Variants in DCHS2 observed in about 807,000 individuals in gnomAD.
The protein encoded by DCHS2 is protocadherin-23.
Under a neutral mutation model 182.4 loss-of-function variants are expected in DCHS2, and 142 were observed. The ratio of observed to expected loss-of-function variants is 0.78; its 90% confidence interval spans 0.68 to 0.89. The LOEUF is 0.89. Among genes scored for constraint, DCHS2 ranks in the 40% least tolerant of loss-of-function variants. The pLI, the probability that DCHS2 is intolerant of heterozygous loss-of-function variation, is 0.00. For missense variants in DCHS2, 4,319 were observed against 4,198.6 expected (o/e 1.03, Z -0.79); for synonymous variants, 1,740 against 1,663.3 (o/e 1.05, Z -1.12).
intron 1 of DCHS2, among the ~76,000 whole-genome samples, chr4:154,484,018 A>G (rs956680045): frequency 6.6e-6 from 1 of 152,176 alleles, no homozygotes; most frequent in Non-Finnish European, 1.5e-5. Context: ...GTTAATTCAC[A>G]CTGAAATCAA....
At chr4:154,479,505 C>T (rs1735829007) in intron 1 of DCHS2, among the ~76,000 whole-genome samples, 1 of 152,110 alleles carries the variant, frequency 6.6e-6, no homozygotes, top group African/African-American at 2.4e-5. Context: ...AATGTGGTAA[C>T]TGTACTTCAG....
intron 1 of DCHS2, among the ~76,000 whole-genome samples, chr4:154,392,437 T>A (rs1731749780): frequency 6.6e-6 from 1 of 152,030 alleles, no homozygotes; most frequent in Admixed American, 6.6e-5. Flanking sequence ...AAAAAATATA[T>A]AATGAAAAAG....
intron 12 of DCHS2, among the ~76,000 whole-genome samples, chr4:154,301,775 T>C (rs1360357641): frequency 6.6e-6 from 1 of 152,182 alleles, no homozygotes; most frequent in Non-Finnish European, 1.5e-5. Context: ...AGTGGTGGGA[T>C]TACAGGCGTG....
intron 3 of DCHS2, chr4:154,357,407 T>G (rs1379514486): frequency 1.2e-6 from 1 of 864,460 alleles, no homozygotes; most frequent in Non-Finnish European, 1.9e-6. Flanking sequence ...CTGCCTTTCT[T>G]CATAGTCCAG....
intron 8 of DCHS2, 131 bp from the exon 9 acceptor site, chr4:154,321,353 G>T (rs62331874): frequency 0.3 from 303,703 of 1,008,828 alleles, 48,144 homozygotes; most frequent in East Asian, 0.39. Flanking sequence ...TGAGAAAAAT[G>T]TCATTTTTAT....
Position 154,384,273 on chromosome 4 carries a change from G to A in DCHS2, c.2053-6829C>T, listed in dbSNP as rs965065268. On this transcript the variant is annotated intron_variant, in intron 1 of 19. Coordinates refer to ENST00000357232, the MANE Select transcript of DCHS2 (RefSeq NM_001358235.2). ...TTATTTTCTGAATTATTTGGCAGCC[G>A]TTCACACAGCTAGTCATTGCCTCCT... is the stretch of plus-strand genomic sequence containing the variant. 67 of 1,513,420 alleles carry A rather than the reference G, an allele frequency of 4.4e-5. 1 individual carries two copies. Among genetic ancestry groups the A allele is most frequent in the Non-Finnish European group, 5.5e-5 (62 of 1,132,614 alleles). 93.7% of individuals were successfully genotyped at this position (1,513,420 alleles called of 1,614,324 possible). A position where few individuals can be genotyped will look rare whatever the true frequency, so the allele number is the denominator to read the frequency against.
At chr4:154,316,752 C>G (rs12640050) in intron 9 of DCHS2, among the ~76,000 whole-genome samples, 1 of 152,004 alleles carries the variant, frequency 6.6e-6, no homozygotes. Flanking sequence ...CCACTGCACT[C>G]TAGCCTGGGC....
intron 1 of DCHS2, among the ~76,000 whole-genome samples, chr4:154,480,290 C>A (rs1735871341): frequency 6.6e-6 from 1 of 152,156 alleles, no homozygotes; most frequent in African/African-American, 2.4e-5. Context: ...TGAAATCATA[C>A]CCATAACAAT....
chr4:154,384,136 A>C (rs1474681942), intron 1 of DCHS2, among the ~76,000 whole-genome samples: 1 of 152,226 alleles, frequency 6.6e-6, no homozygotes, highest in Non-Finnish European at 1.5e-5. Context: ...ATAATATTCC[A>C]GTGGAACTTG....
chr4:154,465,469 G>A (rs931338704), intron 1 of DCHS2, among the ~76,000 whole-genome samples: 58 of 152,254 alleles, frequency 3.8e-4, no homozygotes, highest in African/African-American at 1.4e-3. Flanking sequence ...GGGAGCTCAA[G>A]ACCAGCCTGG....
At chr4:154,286,596 C>G (rs897321358) in intron 13 of DCHS2, among the ~76,000 whole-genome samples, 2 of 151,650 alleles carry the variant, frequency 1.3e-5, no homozygotes, top group Non-Finnish European at 2.9e-5. Flanking sequence ...CTCTAAGCAA[C>G]AGAACAGATC....
At chr4:154,329,742 C>T (rs943324251) in intron 5 of DCHS2, 32 bp from the exon 6 acceptor site, 2 of 1,575,012 alleles carry the variant, frequency 1.3e-6, no homozygotes, top group Non-Finnish European at 1.7e-6. Flanking sequence ...AAGACACAGG[C>T]ACTGTGTACC....
chr4:154,371,843 G>T (rs926990092), intron 2 of DCHS2, among the ~76,000 whole-genome samples: 1 of 152,102 alleles, frequency 6.6e-6, no homozygotes, highest in Non-Finnish European at 1.5e-5. Context: ...CAGGAGAACA[G>T]TACCGGAGGG....
chr4:154,451,104 A>G (rs955893732), intron 1 of DCHS2, among the ~76,000 whole-genome samples: 1 of 152,198 alleles, frequency 6.6e-6, no homozygotes, highest in Non-Finnish European at 1.5e-5. Context: ...AAGGTTCTGT[A>G]ACAAGTCCAG....
intron 1 of DCHS2, among the ~76,000 whole-genome samples, chr4:154,386,455 C>A (rs1482533038): frequency 6.6e-6 from 1 of 151,646 alleles, no homozygotes; most frequent in African/African-American, 2.4e-5. Flanking sequence ...TTGATTGATG[C>A]TCTAGTCAAG....
At chr4:154,248,183 A>T (rs1028005352) in intron 16 of DCHS2, among the ~76,000 whole-genome samples, 1 of 152,214 alleles carries the variant, frequency 6.6e-6, no homozygotes, top group Non-Finnish European at 1.5e-5. Flanking sequence ...AGGAGTAGTG[A>T]TAAAAGGAAA....
At chr4:154,369,813 A>G (rs367748733) in intron 2 of DCHS2, among the ~76,000 whole-genome samples, 1 of 152,142 alleles carries the variant, frequency 6.6e-6, no homozygotes, top group Admixed American at 6.5e-5. Flanking sequence ...AGGAAACCCA[A>G]TTTCTTCAAG....
intron 1 of DCHS2, among the ~76,000 whole-genome samples, chr4:154,442,152 G>T (rs1244980223): frequency 6.6e-6 from 1 of 152,024 alleles, no homozygotes; most frequent in Non-Finnish European, 1.5e-5. Flanking sequence ...AATTCAACTT[G>T]CTCCCAGTCA....
intron 14 of DCHS2, among the ~76,000 whole-genome samples, chr4:154,266,360 C>CA (rs1733261916): frequency 6.6e-6 from 1 of 151,760 alleles, no homozygotes; most frequent in African/African-American, 2.4e-5. Flanking sequence ...TTTGTTTTTC[C>CA]AAAACCTTTT....
Sources: gnomAD v4.1 joint callset for allele counts (sites outside exome capture counted in the v4.1 genomes callset) on GRCh38, gnomAD v4.1.1 for gene constraint, MANE v1.5 for transcripts, NCBI Gene and HGNC (gene_info 2026-07-23, HGNC 2026-07-21) for gene names.